The following CENPM variants were observed in gnomAD, a reference collection of about 807,000 sequenced individuals.
CENPM encodes the protein interphase centromere complex protein 39.
In CENPM, 14 loss-of-function variants were observed where a neutral mutation model predicts 19.6. That is an observed-to-expected ratio of 0.71 (90% CI 0.47 to 1.11). The LOEUF is 1.11. Among genes scored for constraint, CENPM ranks in the 50% most tolerant of loss-of-function variants. The pLI is 0.00. For synonymous variants in CENPM, 114 were observed against 101.5 expected, an observed-to-expected ratio of 1.12 and a Z score of -0.74; for missense variants, 239 against 228.4, an observed-to-expected ratio of 1.05 and a Z score of -0.30.
downstream of CENPM, among the ~76,000 whole-genome samples, chr22:41,936,883 C>T (rs545871403): frequency 2.0e-5 from 3 of 152,242 alleles, no homozygotes; most frequent in Non-Finnish European, 2.9e-5. Context: ...GTTGAGATCA[C>T]GCCACTGCAC....
chr22:41,928,054 T>G, the CENPM span: 2 of 258,692 alleles, frequency 7.7e-6, no homozygotes, highest in Non-Finnish European at 1.6e-5. The surrounding 1 kb of genome is among the most constrained non-coding windows in gnomAD (Gnocchi z 4.0). Flanking sequence ...GTCCAGGGAG[T>G]GCTGGGACCG....
At chr22:41,940,014 C>A in intron 5 of CENPM, 1 of 633,152 alleles carries the variant, frequency 1.6e-6, no homozygotes, top group South Asian at 1.8e-5. Flanking sequence ...ACATCCCTCC[C>A]TGGCCCCAAG....
At chr22:41,936,069 C>T (rs879586531), downstream of CENPM, among the ~76,000 whole-genome samples, 7 of 152,120 alleles carry the variant, frequency 4.6e-5, no homozygotes, top group Non-Finnish European at 7.3e-5. Flanking sequence ...GGGGTTTCAC[C>T]GTGTTACTCA....
intron 5 of CENPM, among the ~76,000 whole-genome samples, chr22:41,941,383 CGGCG>C (rs1005217500): frequency 2.0e-5 from 3 of 152,214 alleles, no homozygotes; most frequent in Non-Finnish European, 2.9e-5. Context: ...GCTCCTGCTG[CGGCG>C]GGAACCAGGC....
downstream of CENPM, among the ~76,000 whole-genome samples, chr22:41,936,017 C>T (rs940746991): frequency 1.1e-4 from 17 of 152,146 alleles, no homozygotes; most frequent in African/African-American, 4.1e-4. Context: ...ATTACAGGCG[C>T]ATGGCACCAT....
downstream of CENPM, among the ~76,000 whole-genome samples, chr22:41,935,407 C>G (rs2077679547): frequency 6.6e-6 from 1 of 152,112 alleles, no homozygotes; most frequent in Non-Finnish European, 1.5e-5. Context: ...TCAGCCCCGC[C>G]AAAGACCTAC....
rs1487293405 is a variant in CENPM at position 41,947,042 on chromosome 22, C to T, written c.35G>A (p.Gly12Asp). Residue 12 changes from glycine (G) to aspartate (D), a missense_variant, in exon 1 of 6, where the codon GGC (glycine) becomes GAC (aspartate). Coordinates refer to ENST00000215980, the MANE Select transcript of CENPM (RefSeq NM_024053.5). ...SVLRPLDKLP[G>D]LNTATILLVG... ...TACCAAGATGGTGGCCGTGTTCAGG[C>T]CGGGCAGCTTGTCCAGGGGCCTCAA... 1.9e-6 allele frequency: 3 copies of T among 1,612,946 alleles called. No individual in the cohort carries two copies. Among genetic ancestry groups the T allele is most frequent in the Admixed American group, 3.3e-5 (2 of 60,022 alleles).
chr22:41,930,621 C>T, the CENPM span, among the ~76,000 whole-genome samples: 3 of 152,184 alleles, frequency 2.0e-5, no homozygotes, highest in Non-Finnish European at 2.9e-5. Context: ...CAGGTTCAAG[C>T]GATTCTCCTG....
At chr22:41,945,876 T>C (rs1224880985) in intron 3 of CENPM, 37 bp downstream of exon 3, 1 of 1,550,050 alleles carries the variant, frequency 6.5e-7, no homozygotes, top group South Asian at 1.1e-5. Context: ...GAGCCAGGCC[T>C]GCCTGAGCCC....
At chr22:41,931,924 G>A in the CENPM span, among the ~76,000 whole-genome samples, 3 of 152,350 alleles carry the variant, frequency 2.0e-5, no homozygotes, top group Admixed American at 1.3e-4. Flanking sequence ...AGTAGTACCT[G>A]AACACGTGCT....
At chr22:41,930,838 CTTTTTTTT>C in the CENPM span, among the ~76,000 whole-genome samples, 142 of 122,538 alleles carry the variant, frequency 1.2e-3, no homozygotes, top group East Asian at 5.9e-3. Flanking sequence ...TTATTCAAGT[CTTTTTTTT>C]TTTTTTTTGA....
chr22:41,933,462 C>T, the CENPM span, among the ~76,000 whole-genome samples: 6,393 of 152,054 alleles, frequency 0.042, 432 homozygotes, highest in African/African-American at 0.15. Context: ...CTGGCCAGCT[C>T]GCAGGGGCCC....
downstream of CENPM, among the ~76,000 whole-genome samples, chr22:41,936,007 A>AT (rs907903283): frequency 1.3e-5 from 2 of 151,652 alleles, no homozygotes; most frequent in African/African-American, 4.9e-5. Flanking sequence ...AGTAGCTGGG[A>AT]TTACAGGCGC....
the CENPM span, among the ~76,000 whole-genome samples, chr22:41,927,513 CT>C: frequency 0.065 from 8,365 of 129,230 alleles, 377 homozygotes; most frequent in African/African-American, 0.16. Flanking sequence ...CAGACACCTG[CT>C]TTTTTTTTTT....
chr22:41,933,862 G>A (rs978397631), downstream of CENPM, among the ~76,000 whole-genome samples: 1 of 152,164 alleles, frequency 6.6e-6, no homozygotes, highest in African/African-American at 2.4e-5. Flanking sequence ...ACTGTAACAG[G>A]GCCTTGTCTC....
chr22:41,940,083 C>T, intron 5 of CENPM: 3 of 725,320 alleles, frequency 4.1e-6, no homozygotes, highest in Non-Finnish European at 5.1e-6. Flanking sequence ...CTGATTTCTC[C>T]ACCCCAACCC....
the CENPM span, among the ~76,000 whole-genome samples, chr22:41,928,415 G>T: frequency 6.6e-6 from 1 of 152,302 alleles, no homozygotes; most frequent in South Asian, 2.1e-4. The surrounding 1 kb of genome is among the most constrained non-coding windows in gnomAD (Gnocchi z 4.0). Flanking sequence ...CCTCCCCAGG[G>T]CCAGGGCTGG....
downstream of CENPM, among the ~76,000 whole-genome samples, chr22:41,936,296 G>T (rs1164567444): frequency 6.6e-6 from 1 of 152,208 alleles, no homozygotes; most frequent in African/African-American, 2.4e-5. Flanking sequence ...TCTGTTTCAT[G>T]AACTGTGAAT....
At chr22:41,943,853 G>A (rs2077767242) in intron 4 of CENPM, 152 bp from the exon 5 acceptor site, 2 of 676,032 alleles carry the variant, frequency 3.0e-6, no homozygotes, top group Non-Finnish European at 4.8e-6. Context: ...TCTTTTCTAG[G>A]TAGTCAAGAA....
Sources: gnomAD v4.1 joint callset for allele counts (sites outside exome capture counted in the v4.1 genomes callset) on GRCh38, gnomAD v4.1.1 for gene constraint, Gnocchi (gnomAD v3.1) non-coding constraint, MANE v1.5 for transcripts, NCBI Gene and HGNC (gene_info 2026-07-23, HGNC 2026-07-21) for gene names.